ERC2: variants seen among roughly 807,000 people sequenced by gnomAD.
ERC2 encodes ERC protein 2.
ERC2 carries 42 observed loss-of-function variants against 114.8 expected under a neutral mutation model. That is an observed-to-expected ratio of 0.37 (90% confidence interval 0.29 to 0.47). The LOEUF (loss-of-function observed/expected upper bound fraction) is 0.47. Among genes scored for constraint, ERC2 ranks in the 20% least tolerant of loss-of-function variants. The pLI, the probability that ERC2 is intolerant of heterozygous loss-of-function variation, is 0.99. For synonymous variants in ERC2, 454 were observed against 425.5 expected (o/e 1.07, Z -0.82); for missense variants, 939 against 1,150.7 (o/e 0.82, Z 2.66).
intron 1 of ERC2, among the ~76,000 whole-genome samples, chr3:56,438,268 CA>C (rs367639684): frequency 1.3e-3 from 192 of 152,320 alleles, no homozygotes; most frequent in African/African-American, 4.3e-3. Context: ...CTTCATCTGT[CA>C]TAATTGCCTT....
At chr3:55,693,713 CTTT>C (rs946071281) in intron 16 of ERC2, among the ~76,000 whole-genome samples, 1 of 145,784 alleles carries the variant, frequency 6.9e-6, no homozygotes. Flanking sequence ...ATTTTTTCTT[CTTT>C]TTTTTTTTTG....
chr3:56,206,272 T>A (rs1244988687), intron 3 of ERC2, among the ~76,000 whole-genome samples: 1 of 152,038 alleles, frequency 6.6e-6, no homozygotes, highest in East Asian at 1.9e-4. Context: ...GACACCAGGA[T>A]TCTTATCCAT....
At position 55,664,992 on chromosome 3, in the gene ERC2, TA is replaced by T. The variant is rs199774353; in HGVS notation, c.*39+18801del. Among the ~76,000 whole-genome samples the T allele has an allele frequency of 3.9e-4, 59 of 152,238 alleles. 1 individual carries two copies. The East Asian group carries it at 0.011, about 27-fold the overall frequency. On this transcript the variant is annotated intron_variant, in intron 17 of 17. Coordinates refer to ENST00000288221, the MANE Select transcript of ERC2 (RefSeq NM_015576.3). ...TCCTTATAAATAATGGGGATAATAA[TA>T]ACACACTGAGACAGAGCCTTGAAAG...
At chr3:55,910,791 G>A (rs1283684712) in intron 13 of ERC2, among the ~76,000 whole-genome samples, 6 of 152,176 alleles carry the variant, frequency 3.9e-5, no homozygotes, top group Non-Finnish European at 7.3e-5. Context: ...CTAGTGAGTG[G>A]CACAGCTGGG....
intron 17 of ERC2, among the ~76,000 whole-genome samples, chr3:55,588,874 T>G (rs1409473169): frequency 6.6e-6 from 1 of 151,944 alleles, no homozygotes; most frequent in Non-Finnish European, 1.5e-5. Flanking sequence ...CCAGCCTGCC[T>G]CGAGTGTGTG....
chr3:55,690,980 G>A (rs1216541330), intron 16 of ERC2, among the ~76,000 whole-genome samples: 2 of 152,226 alleles, frequency 1.3e-5, no homozygotes, highest in Non-Finnish European at 2.9e-5. Context: ...GGTAGAGGAA[G>A]GAGGCAGTTA....
intron 17 of ERC2, among the ~76,000 whole-genome samples, chr3:55,676,566 C>T (rs900274635): frequency 6.6e-6 from 1 of 151,810 alleles, no homozygotes; most frequent in Non-Finnish European, 1.5e-5. Context: ...CTGGACTTCT[C>T]CAAGATTTGT....
intron 14 of ERC2, among the ~76,000 whole-genome samples, chr3:55,762,060 T>TC (rs773598461): frequency 2.0e-5 from 3 of 151,554 alleles, no homozygotes; most frequent in Non-Finnish European, 4.4e-5. Flanking sequence ...CCTGAGGGCT[T>TC]CCCAGCCATG....
chr3:55,628,931 C>T (rs542203872), intron 17 of ERC2, among the ~76,000 whole-genome samples: 3 of 135,916 alleles, frequency 2.2e-5, no homozygotes, highest in Admixed American at 1.5e-4. Context: ...CTAGCCATGC[C>T]GAAATCTGGA....
intron 3 of ERC2, among the ~76,000 whole-genome samples, chr3:56,213,475 C>CT (rs1340039744): frequency 1.3e-5 from 2 of 152,102 alleles, no homozygotes; most frequent in Non-Finnish European, 2.9e-5. Flanking sequence ...GGGAGGGGCG[C>CT]CCACCATTGC....
At chr3:55,515,451 T>C (rs902108338) in intron 17 of ERC2, among the ~76,000 whole-genome samples, 3 of 152,126 alleles carry the variant, frequency 2.0e-5, no homozygotes, top group African/African-American at 4.8e-5. Flanking sequence ...CACTGCAACC[T>C]CTGTCTCCCT....
At chr3:55,548,047 A>G (rs541047731) in intron 17 of ERC2, among the ~76,000 whole-genome samples, 182 of 152,290 alleles carry the variant, frequency 1.2e-3, no homozygotes, top group Non-Finnish European at 2.1e-3. Context: ...CTGGTCCACA[A>G]TAGGGGCTGG....
chr3:56,007,726 G>T (rs894563897), intron 9 of ERC2, among the ~76,000 whole-genome samples: 2 of 151,984 alleles, frequency 1.3e-5, no homozygotes, highest in Non-Finnish European at 2.9e-5. Context: ...TAATGCATCC[G>T]CTCCCAAGAG....
chr3:55,821,446 A>G (rs928613201), intron 14 of ERC2, among the ~76,000 whole-genome samples: 2 of 152,324 alleles, frequency 1.3e-5, no homozygotes, highest in Non-Finnish European at 1.5e-5. Context: ...CCACTGCCCC[A>G]TTCCCTTACT....
intron 3 of ERC2, among the ~76,000 whole-genome samples, chr3:56,206,419 C>A (rs2048741816): frequency 6.6e-6 from 1 of 152,156 alleles, no homozygotes; most frequent in Admixed American, 6.5e-5. Flanking sequence ...AGCATAGAAT[C>A]TGATACATAC....
At chr3:56,386,632 C>T (rs1259564883) in intron 2 of ERC2, among the ~76,000 whole-genome samples, 4 of 152,072 alleles carry the variant, frequency 2.6e-5, no homozygotes, top group Non-Finnish European at 5.9e-5. Context: ...ATAAGCAGGG[C>T]TTGGGACCTG....
intron 7 of ERC2, among the ~76,000 whole-genome samples, chr3:56,024,810 G>C (rs1420832175): frequency 1.3e-5 from 2 of 152,180 alleles, no homozygotes; most frequent in African/African-American, 4.8e-5. Flanking sequence ...TTTCTCTCAA[G>C]TTCCTACAGG....
At chr3:55,655,732 A>T (rs143383945) in intron 17 of ERC2, among the ~76,000 whole-genome samples, 48 of 152,278 alleles carry the variant, frequency 3.2e-4, no homozygotes, top group African/African-American at 1.1e-3. Context: ...GAGTCACTGT[A>T]TGGAACACTC....
intron 17 of ERC2, among the ~76,000 whole-genome samples, chr3:55,541,558 T>C (rs1372573942): frequency 6.6e-6 from 1 of 152,260 alleles, no homozygotes; most frequent in East Asian, 1.9e-4. Context: ...ATCTGGCTTG[T>C]GCATCTGACT....
Sources: allele counts gnomAD v4.1 joint callset (sites outside exome capture counted in the v4.1 genomes callset), GRCh38; gene constraint gnomAD v4.1.1; transcripts MANE v1.5; gene names NCBI Gene and HGNC (gene_info 2026-07-23, HGNC 2026-07-21).